The following UBE2E2 variants were observed in gnomAD, a reference collection of about 807,000 sequenced individuals.
The protein encoded by UBE2E2 is ubiquitin-conjugating enzyme E2 E2.
UBE2E2 carries 6 observed loss-of-function variants against 24.7 expected under a neutral mutation model. The observed-to-expected ratio is 0.24, with a 90% CI of 0.13 to 0.48. The LOEUF (loss-of-function observed/expected upper bound fraction) is 0.48, where lower values mean the gene tolerates loss of function less well. Ranked by LOEUF, UBE2E2 falls within the 20% of genes least tolerant of loss-of-function variation. The pLI is 0.99. For synonymous variants in UBE2E2, 104 were observed against 83.6 expected (o/e 1.24, Z -1.33); for missense variants, 169 against 245.0 (o/e 0.69, Z 2.07).
intron 1 of UBE2E2, among the ~76,000 whole-genome samples, chr3:23,203,722 C>T (rs1186155827): frequency 6.9e-6 from 1 of 144,358 alleles, no homozygotes; most frequent in Non-Finnish European, 1.5e-5. Context: ...CCCTGTCCTC[C>T]TTCTACCCCC....
At chr3:23,468,366 C>T (rs958217793) in intron 3 of UBE2E2, among the ~76,000 whole-genome samples, 1 of 152,180 alleles carries the variant, frequency 6.6e-6, no homozygotes, top group Non-Finnish European at 1.5e-5. Flanking sequence ...AAGACTGTAC[C>T]TATACTTTTC....
At chr3:23,413,208 T>TAA (rs5847232) in intron 3 of UBE2E2, among the ~76,000 whole-genome samples, 2,152 of 151,126 alleles carry the variant, frequency 0.014, 54 homozygotes, top group African/African-American at 0.05. Context: ...ATAATAAAAT[T>TAA]AAAAAAAAAT....
At chr3:23,366,575 A>G (rs1012472317) in intron 3 of UBE2E2, among the ~76,000 whole-genome samples, 6 of 152,186 alleles carry the variant, frequency 3.9e-5, no homozygotes, top group African/African-American at 1.4e-4. Flanking sequence ...TTGAGTACAC[A>G]TGCACACAAA....
At chr3:23,588,334 G>C (rs1431984513) in intron 5 of UBE2E2, among the ~76,000 whole-genome samples, 1 of 151,880 alleles carries the variant, frequency 6.6e-6, no homozygotes, top group Admixed American at 6.6e-5. Context: ...GGAGGGAAAA[G>C]AGTAGAATCT....
intron 3 of UBE2E2, among the ~76,000 whole-genome samples, chr3:23,299,547 T>G (rs1699011154): frequency 6.6e-6 from 1 of 152,200 alleles, no homozygotes; most frequent in African/African-American, 2.4e-5. Flanking sequence ...ATGTACCCAG[T>G]AGTCATTCAG....
intron 3 of UBE2E2, among the ~76,000 whole-genome samples, chr3:23,249,261 G>C (rs996036750): frequency 7.6e-6 from 1 of 132,438 alleles, no homozygotes; most frequent in African/African-American, 3.0e-5. Context: ...AACAGAGCAA[G>C]ACCCTGTCTC....
chr3:23,478,744 T>A (rs1699190707), intron 3 of UBE2E2, among the ~76,000 whole-genome samples: 1 of 152,176 alleles, frequency 6.6e-6, no homozygotes, highest in South Asian at 2.1e-4. Flanking sequence ...AAAGTTAGAT[T>A]ACAAAAAATT....
In UBE2E2 at chr3:23,318,900, C is replaced by T. The variant is rs912653698; in HGVS notation, c.227+101588C>T. 4.6e-5 allele frequency among the ~76,000 whole-genome samples: 7 copies of T among 152,174 alleles called. 1 individual carries two copies. The highest frequency in any genetic ancestry group is 1.7e-4 in the African/African-American group (7 of 41,434). ...TATATCTGTGTAAATAACAATCTGCCTATACATTGTCTTATAAATTAATTT... is the reference window on the plus strand; with the variant it reads ...TATATCTGTGTAAATAACAATCTGCTTATACATTGTCTTATAAATTAATTT... On this transcript the variant is annotated intron_variant, in intron 3 of 5. Transcript: ENST00000396703.
At chr3:23,228,871 CCA>C (rs1353486667) in intron 3 of UBE2E2, among the ~76,000 whole-genome samples, 1 of 152,124 alleles carries the variant, frequency 6.6e-6, no homozygotes, top group Admixed American at 6.6e-5. Flanking sequence ...TAGACTCTCT[CCA>C]CACACTTTCG....
At chr3:23,289,643 C>T (rs1044027288) in intron 3 of UBE2E2, among the ~76,000 whole-genome samples, 9 of 152,218 alleles carry the variant, frequency 5.9e-5, no homozygotes, top group Admixed American at 5.2e-4. Context: ...ACATTTTACA[C>T]ATCTTTTCTG....
chr3:23,232,525 TC>T (rs1697002291), intron 3 of UBE2E2, among the ~76,000 whole-genome samples: 1 of 152,168 alleles, frequency 6.6e-6, no homozygotes, highest in African/African-American at 2.4e-5. Context: ...CCTCCTGATT[TC>T]CCCCTCTTTC....
At chr3:23,204,082 C>T (rs1384503868) in intron 1 of UBE2E2, among the ~76,000 whole-genome samples, 2 of 152,084 alleles carry the variant, frequency 1.3e-5, no homozygotes, top group African/African-American at 4.8e-5. Context: ...GGTCTCTTCT[C>T]TGCAGCCCCC....
chr3:23,506,375 C>T (rs1415203701), intron 4 of UBE2E2, among the ~76,000 whole-genome samples: 4 of 152,202 alleles, frequency 2.6e-5, no homozygotes, highest in Admixed American at 6.5e-5. Context: ...CTCCTCTAGT[C>T]TTCCCCATAT....
At chr3:23,301,833 C>G (rs1224590550) in intron 3 of UBE2E2, among the ~76,000 whole-genome samples, 1 of 141,344 alleles carries the variant, frequency 7.1e-6, no homozygotes, top group Non-Finnish European at 1.5e-5. Context: ...CAGAAATCAC[C>G]AGTCTTCTGC....
At chr3:23,379,797 G>A (rs1053682176) in intron 3 of UBE2E2, among the ~76,000 whole-genome samples, 11 of 152,132 alleles carry the variant, frequency 7.2e-5, no homozygotes, top group Non-Finnish European at 1.6e-4. Flanking sequence ...TCTGAAGAAA[G>A]TAGGGCAGGT....
chr3:23,396,330 C>CATAT (rs1559371502), intron 3 of UBE2E2, among the ~76,000 whole-genome samples: 8 of 97,326 alleles, frequency 8.2e-5, no homozygotes, highest in Non-Finnish European at 1.3e-4. Flanking sequence ...TATATATATA[C>CATAT]GTATATATAT....
chr3:23,254,414 C>T (rs970868275), intron 3 of UBE2E2, among the ~76,000 whole-genome samples: 1 of 152,080 alleles, frequency 6.6e-6, no homozygotes, highest in Non-Finnish European at 1.5e-5. Context: ...ATTTGTGGGG[C>T]AGTAATAGGA....
At chr3:23,361,758 A>G (rs781705186) in intron 3 of UBE2E2, among the ~76,000 whole-genome samples, 5 of 152,316 alleles carry the variant, frequency 3.3e-5, no homozygotes, top group Admixed American at 6.5e-5. Flanking sequence ...AGAAATCACC[A>G]CTAAGGAACT....
intron 3 of UBE2E2, among the ~76,000 whole-genome samples, chr3:23,240,047 C>T (rs531866389): frequency 2.0e-5 from 3 of 152,064 alleles, no homozygotes; most frequent in Non-Finnish European, 4.4e-5. Context: ...CATAAAGGAG[C>T]CTGGTTAAAG....
Sources: allele counts gnomAD v4.1 joint callset (sites outside exome capture counted in the v4.1 genomes callset), GRCh38; gene constraint gnomAD v4.1.1; transcripts MANE v1.5; gene names NCBI Gene and HGNC (gene_info 2026-07-23, HGNC 2026-07-21).